The following LPCAT1 variants were observed in gnomAD, a reference collection of about 807,000 sequenced individuals.
The protein encoded by LPCAT1 is lysophosphatidylcholine acyltransferase 1.
A neutral mutation model predicts 60.9 loss-of-function variants in LPCAT1; 23 were observed. The ratio of observed to expected loss-of-function variants is 0.38; its 90% confidence interval spans 0.27 to 0.53. LPCAT1 has a LOEUF of 0.53. Among genes scored for constraint, LPCAT1 ranks in the 20% least tolerant of loss-of-function variants. LPCAT1 has a pLI of 0.82. For missense variants in LPCAT1, 622 were observed against 723.6 expected (o/e 0.86, Z 1.61); for synonymous variants, 340 against 301.1 (o/e 1.13, Z -1.34).
chr5:1,492,836 A>T (rs530528383), intron 3 of LPCAT1, among the ~76,000 whole-genome samples: 22 of 152,350 alleles, frequency 1.4e-4, no homozygotes, highest in Admixed American at 1.3e-3. Flanking sequence ...CAACGCTCAG[A>T]TTCACTCTGG....
chr5:1,497,935 G>T (rs1450740847), intron 2 of LPCAT1, among the ~76,000 whole-genome samples: 3 of 152,244 alleles, frequency 2.0e-5, no homozygotes, highest in Non-Finnish European at 4.4e-5. Context: ...AGGATTCAGC[G>T]CCAGATGGTC....
chr5:1,489,523 G>A (rs772321525), intron 4 of LPCAT1, among the ~76,000 whole-genome samples: 10 of 152,244 alleles, frequency 6.6e-5, no homozygotes, highest in Non-Finnish European at 1.2e-4. Flanking sequence ...GATTCAGGAA[G>A]CTGAGATGCA....
At chr5:1,508,154 G>A (rs1370990877) in intron 1 of LPCAT1, among the ~76,000 whole-genome samples, 1 of 152,200 alleles carries the variant, frequency 6.6e-6, no homozygotes, top group Non-Finnish European at 1.5e-5. Flanking sequence ...CACCTCGTCT[G>A]TGGTCCTTTG....
intron 2 of LPCAT1, among the ~76,000 whole-genome samples, chr5:1,497,775 G>A (rs953900535): frequency 6.6e-6 from 1 of 152,200 alleles, no homozygotes; most frequent in African/African-American, 2.4e-5. Context: ...GGAGTACCTA[G>A]AGTCATCATG....
chr5:1,501,842 G>T (rs1736025593), intron 1 of LPCAT1, among the ~76,000 whole-genome samples: 1 of 152,052 alleles, frequency 6.6e-6, no homozygotes, highest in African/African-American at 2.4e-5. Context: ...GACCAGCACT[G>T]ACCAAGGCTG....
intron 3 of LPCAT1, among the ~76,000 whole-genome samples, chr5:1,493,028 G>C (rs962558016): frequency 6.6e-6 from 1 of 152,230 alleles, no homozygotes; most frequent in Non-Finnish European, 1.5e-5. Flanking sequence ...AGTGGAGCTG[G>C]GGCTGCCCCA....
rs78709001 is a variant in LPCAT1, at chr5:1,509,397, G to A, written c.136-7794C>T. Among the ~76,000 whole-genome samples, 818 of 152,338 alleles carry A rather than the reference G, an allele frequency of 5.4e-3. 6 individuals carry two copies. Among genetic ancestry groups the A allele is most frequent in the African/African-American group, 0.016 (672 of 41,582 alleles). ...ACGAGAGAACGTGCACTCCTCCCAC[G>A]GTGAGAGGGCGAGCGGCAGCACACA... On this transcript the variant is annotated intron_variant, in intron 1 of 13. Transcript: ENST00000283415.
At chr5:1,488,659 T>C (rs1735459602) in intron 4 of LPCAT1, among the ~76,000 whole-genome samples, 1 of 152,234 alleles carries the variant, frequency 6.6e-6, no homozygotes, top group South Asian at 2.1e-4. Context: ...GTGGCAGCAG[T>C]ATCAACACAT....
intron 13 of LPCAT1, among the ~76,000 whole-genome samples, chr5:1,464,735 C>T (rs1734263371): frequency 6.8e-6 from 1 of 146,482 alleles, no homozygotes; most frequent in Admixed American, 6.8e-5. Context: ...CACACATGCA[C>T]GCAGACACAC....
intron 13 of LPCAT1, among the ~76,000 whole-genome samples, chr5:1,465,612 C>T (rs185565329): frequency 1.5e-4 from 23 of 151,440 alleles, no homozygotes; most frequent in African/African-American, 4.6e-4. Flanking sequence ...TAAACACGTG[C>T]GCACACACAC....
At chr5:1,473,484 G>A (rs1734772292) in intron 11 of LPCAT1, among the ~76,000 whole-genome samples, 1 of 152,252 alleles carries the variant, frequency 6.6e-6, no homozygotes, top group Admixed American at 6.5e-5. Flanking sequence ...CGAGGACCTG[G>A]GGATGACGTG....
At chr5:1,475,592 C>T (rs1349617038) in intron 9 of LPCAT1, among the ~76,000 whole-genome samples, 1 of 152,270 alleles carries the variant, frequency 6.6e-6, no homozygotes, top group Non-Finnish European at 1.5e-5. Context: ...CGCTCTGCCA[C>T]CCTGGGGTGC....
At position 1,470,917 on chromosome 5, in the gene LPCAT1, C is replaced by A. The variant is rs769365707; in HGVS notation, c.1187G>T (p.Ser396Ile). Residue 396 changes from serine (S) to isoleucine (I), a missense_variant, in exon 12 of 14, where the codon AGC (serine) becomes ATC (isoleucine). This residue lies in a region of LPCAT1 where 288 missense variants were observed against 283.6 expected (regional missense o/e 1.02). Coordinates refer to ENST00000283415, the MANE Select transcript of LPCAT1 (RefSeq NM_024830.5). The stretch of plus-strand genomic sequence containing the variant: ...ACACTCTCGCAGGTCCACCTCGCCG[C>A]TGCCGCTCTGTGGGGAGAGACGCTC... ...DMFSLFDESG[S>I]GEVDLRECVV... The A allele has an allele frequency of 6.2e-6, 10 of 1,612,884 alleles. No homozygotes were observed. Among genetic ancestry groups the A allele is most frequent in the Non-Finnish European group, 8.5e-6 (10 of 1,179,830 alleles).
At chr5:1,479,134 G>A (rs940890753) in intron 8 of LPCAT1, among the ~76,000 whole-genome samples, 1 of 152,172 alleles carries the variant, frequency 6.6e-6, no homozygotes, top group Non-Finnish European at 1.5e-5. Context: ...GGTAGTTCAC[G>A]CCTGTGATCC....
rs1291603467 is a variant in LPCAT1 at position 1,522,745 on chromosome 5, G to C, written c.135+965C>G. On this transcript the variant is annotated intron_variant, in intron 1 of 13. Transcript: ENST00000283415. The surrounding 1 kb of genome is among the most constrained non-coding windows in gnomAD (Gnocchi z 6.8). ...TTGGAAGCGTGCTCCCTACAAACCGGACAGCCCCATAGGCCCCGAAACAGT... is the reference window on the plus strand; with the variant it reads ...TTGGAAGCGTGCTCCCTACAAACCGCACAGCCCCATAGGCCCCGAAACAGT... Among the ~76,000 whole-genome samples the C allele has an allele frequency of 6.6e-6, 1 of 152,184 alleles. No homozygotes were observed. Among genetic ancestry groups the C allele is most frequent in the Non-Finnish European group, 1.5e-5 (1 of 68,032 alleles).
Position 1,477,427 on chromosome 5 carries a change from G to C in LPCAT1, c.876C>G (p.Ser292Arg), listed in dbSNP as rs771755160. ...EEKRNPALYASNVRRVMAEAL... is the reference protein window; with the variant it reads ...EEKRNPALYARNVRRVMAEAL... ...ACTCGGCCATGACTCGCCGCACGTT[G>C]CTGGCATACAGCGCGGGGTTCCTCT... is the stretch of plus-strand genomic sequence containing the variant. Residue 292 changes from serine (S) to arginine (R), a missense_variant, in exon 9 of 14, where the codon AGC (serine) becomes AGG (arginine). By Grantham distance (110) the Ser-to-Arg change is moderately radical. Coordinates refer to ENST00000283415, the MANE Select transcript of LPCAT1 (RefSeq NM_024830.5). This position sits in a 1 kb window ranked among gnomAD's most constrained non-coding sequence, Gnocchi z 6.0. The C allele has an allele frequency of 1.9e-6, 3 of 1,613,926 alleles. No homozygotes were observed. Among genetic ancestry groups the C allele is most frequent in the South Asian group, 1.1e-5 (1 of 91,074 alleles).
At chr5:1,509,194 C>T (rs553982432) in intron 1 of LPCAT1, among the ~76,000 whole-genome samples, 118 of 152,390 alleles carry the variant, frequency 7.7e-4, no homozygotes, top group African/African-American at 2.7e-3. Context: ...CGCGTCATCC[C>T]GCACAGGCGG....
At chr5:1,473,529 A>T (rs1734774457) in intron 11 of LPCAT1, among the ~76,000 whole-genome samples, 1 of 152,238 alleles carries the variant, frequency 6.6e-6, no homozygotes, top group East Asian at 1.9e-4. Context: ...CTGCACCAGG[A>T]GGAAGCCCTC....
chr5:1,486,077 C>T (rs1463732744), intron 5 of LPCAT1, among the ~76,000 whole-genome samples: 1 of 152,150 alleles, frequency 6.6e-6, no homozygotes, highest in East Asian at 1.9e-4. Flanking sequence ...GGAGGGGTCT[C>T]CAGGTACCCA....
Sources: allele counts gnomAD v4.1 joint callset (sites outside exome capture counted in the v4.1 genomes callset), GRCh38; gene constraint gnomAD v4.1.1; regional missense constraint gnomAD v4.1.1; non-coding constraint Gnocchi (gnomAD v3.1); transcripts MANE v1.5; gene names NCBI Gene and HGNC (gene_info 2026-07-23, HGNC 2026-07-21).